CTNNA2: variants seen among roughly 807,000 people sequenced by gnomAD.
The protein encoded by CTNNA2 is catenin alpha-2.
Under a neutral mutation model 101.0 loss-of-function variants are expected in CTNNA2, and 42 were observed. The ratio of observed to expected loss-of-function variants is 0.42; its 90% CI spans 0.32 to 0.54. CTNNA2 has a LOEUF of 0.54. Among genes scored for constraint, CTNNA2 ranks in the 20% least tolerant of loss-of-function variants. CTNNA2 has a pLI of 0.14. For missense variants in CTNNA2, 871 were observed against 1,223.1 expected, an observed-to-expected ratio of 0.71 and a Z score of 4.29; for synonymous variants, 450 against 456.4, an observed-to-expected ratio of 0.99 and a Z score of 0.18.
chr2:79,993,562 A>G (rs2103911479), intron 7 of CTNNA2, among the ~76,000 whole-genome samples: 1 of 152,294 alleles, frequency 6.6e-6, no homozygotes. Context: ...TGACAAAATG[A>G]CAAATGTTTC....
chr2:79,834,230 C>CT (rs910206450), intron 3 of CTNNA2, among the ~76,000 whole-genome samples: 5 of 150,954 alleles, frequency 3.3e-5, no homozygotes, highest in East Asian at 1.9e-4. Flanking sequence ...AGATCTTTGC[C>CT]TTTTTTTTTC....
At chr2:80,089,207 G>A (rs1226188525) in intron 7 of CTNNA2, among the ~76,000 whole-genome samples, 1 of 151,984 alleles carries the variant, frequency 6.6e-6, no homozygotes, top group Non-Finnish European at 1.5e-5. Context: ...CTCACAGTGT[G>A]TGCCAGTTTT....
intron 7 of CTNNA2, among the ~76,000 whole-genome samples, chr2:80,082,312 G>A (rs1005651747): frequency 3.9e-5 from 6 of 152,170 alleles, no homozygotes; most frequent in African/African-American, 1.4e-4. Flanking sequence ...AGGAGGGTCA[G>A]TATTGGCTTC....
chr2:80,085,641 C>A (rs950716709), intron 7 of CTNNA2, among the ~76,000 whole-genome samples: 2 of 151,684 alleles, frequency 1.3e-5, no homozygotes, highest in Non-Finnish European at 1.5e-5. Context: ...TTTACTAAAG[C>A]CATTATTTCA....
intron 7 of CTNNA2, among the ~76,000 whole-genome samples, chr2:79,953,678 T>G (rs1461768436): frequency 6.6e-6 from 1 of 152,176 alleles, no homozygotes; most frequent in African/African-American, 2.4e-5. Flanking sequence ...CCAACAACTT[T>G]TGTGTGAACT....
intron 7 of CTNNA2, among the ~76,000 whole-genome samples, chr2:80,390,079 T>A (rs563795583): frequency 1.1e-4 from 17 of 152,204 alleles, no homozygotes; most frequent in Non-Finnish European, 1.9e-4. Context: ...AAAAGCTGGC[T>A]CATTTCACTC....
At chr2:80,085,137 T>C (rs1440833261) in intron 7 of CTNNA2, among the ~76,000 whole-genome samples, 2 of 152,078 alleles carry the variant, frequency 1.3e-5, no homozygotes, top group African/African-American at 4.8e-5. Context: ...CCAAAATCTT[T>C]CAAATTTCAA....
At chr2:79,582,793 G>T (rs533989008) in intron 1 of CTNNA2, among the ~76,000 whole-genome samples, 135 of 152,122 alleles carry the variant, frequency 8.9e-4, no homozygotes, top group Non-Finnish European at 1.6e-3. Context: ...TTTCTTCTAG[G>T]TGCACAGTTC....
At chr2:80,276,519 G>T (rs1463546236) in intron 7 of CTNNA2, among the ~76,000 whole-genome samples, 1 of 152,160 alleles carries the variant, frequency 6.6e-6, no homozygotes, top group African/African-American at 2.4e-5. Flanking sequence ...TTATGATTCT[G>T]CAGACTCTAT....
At chr2:80,025,090 C>G (rs192991625) in intron 7 of CTNNA2, among the ~76,000 whole-genome samples, 2 of 152,166 alleles carry the variant, frequency 1.3e-5, no homozygotes, top group African/African-American at 2.4e-5. Flanking sequence ...TGCTTCTCTC[C>G]GACATCCAGC....
intron 7 of CTNNA2, among the ~76,000 whole-genome samples, chr2:79,973,919 G>A (rs1266516285): frequency 2.0e-5 from 3 of 148,580 alleles, no homozygotes; most frequent in African/African-American, 7.5e-5. Context: ...AAAGTGACAA[G>A]CAAGAGTGGA....
chr2:80,545,623 A>G (rs1691990393), intron 10 of CTNNA2, among the ~76,000 whole-genome samples: 1 of 152,208 alleles, frequency 6.6e-6, no homozygotes, highest in Admixed American at 6.5e-5. Context: ...TGTGGAAAGC[A>G]AGAGTTGCAT....
At chr2:80,286,812 A>G (rs1162733657) in intron 7 of CTNNA2, among the ~76,000 whole-genome samples, 2 of 151,954 alleles carry the variant, frequency 1.3e-5, no homozygotes, top group African/African-American at 4.8e-5. Flanking sequence ...ATCCTATTCT[A>G]CCTTTGGTTG....
chr2:79,792,169 T>A (rs1431371623), intron 3 of CTNNA2, among the ~76,000 whole-genome samples: 1 of 152,122 alleles, frequency 6.6e-6, no homozygotes, highest in Non-Finnish European at 1.5e-5. Context: ...TCTGAGGTCT[T>A]GTGTTAGATA....
intron 2 of CTNNA2, among the ~76,000 whole-genome samples, chr2:79,296,107 G>A (rs1340144234): frequency 6.6e-6 from 1 of 152,030 alleles, no homozygotes; most frequent in Non-Finnish European, 1.5e-5. Flanking sequence ...CAAAAATATT[G>A]GAGAGGTGAG....
intron 1 of CTNNA2, among the ~76,000 whole-genome samples, chr2:79,520,876 G>T (rs541482763): frequency 6.6e-6 from 1 of 151,838 alleles, no homozygotes; most frequent in Non-Finnish European, 1.5e-5. Context: ...CATTGCTGGT[G>T]GGAATGTAAT....
intron 7 of CTNNA2, among the ~76,000 whole-genome samples, chr2:80,106,548 G>A (rs566230271): frequency 6.6e-6 from 1 of 152,032 alleles, no homozygotes; most frequent in African/African-American, 2.4e-5. Context: ...TTTAATCCTG[G>A]CACAGAACAC....
intron 2 of CTNNA2, among the ~76,000 whole-genome samples, chr2:79,663,770 C>CAGGA (rs1365502318): frequency 3.9e-5 from 6 of 152,314 alleles, no homozygotes; most frequent in Admixed American, 6.5e-5. Flanking sequence ...CTCCAATAAG[C>CAGGA]AGGAAGTCTC....
intron 4 of CTNNA2, among the ~76,000 whole-genome samples, chr2:79,462,076 TTACAAA>T (rs1213257509): frequency 2.0e-5 from 3 of 152,126 alleles, no homozygotes; most frequent in South Asian, 2.1e-4. Context: ...AAGGGAAAAG[TTACAAA>T]TAAGAACAAA....
Sources: gnomAD v4.1 joint callset for allele counts (sites outside exome capture counted in the v4.1 genomes callset) on GRCh38, gnomAD v4.1.1 for gene constraint, MANE v1.5 for transcripts, NCBI Gene and HGNC (gene_info 2026-07-23, HGNC 2026-07-21) for gene names.